Variants in KAZN observed in about 807,000 individuals in gnomAD.
KAZN encodes kazrin.
A neutral mutation model predicts 87.4 loss-of-function variants in KAZN; 40 were observed. The observed-to-expected ratio is 0.46, with a 90% CI of 0.36 to 0.60. The LOEUF (loss-of-function observed/expected upper bound fraction) is 0.60. Ranked by LOEUF, KAZN falls within the 20% of genes least tolerant of loss-of-function variation. The pLI, the probability that KAZN is intolerant of heterozygous loss-of-function variation, is 0.00. For missense variants in KAZN, 898 were observed against 1,073.9 expected (o/e 0.84, Z 2.29); for synonymous variants, 466 against 458.3 (o/e 1.02, Z -0.22).
intron 2 of KAZN, among the ~76,000 whole-genome samples, chr1:14,314,460 G>A (rs958112359): frequency 1.2e-4 from 19 of 152,026 alleles, no homozygotes; most frequent in Non-Finnish European, 1.5e-5. Flanking sequence ...CCTATGTCCT[G>A]GTTACATGAG....
chr1:14,297,414 C>T (rs775129917), intron 2 of KAZN, among the ~76,000 whole-genome samples: 2 of 152,214 alleles, frequency 1.3e-5, no homozygotes, highest in African/African-American at 2.4e-5. Context: ...CACTCCCTGG[C>T]TCTAAGCAAG....
In KAZN at chr1:14,444,539, C is replaced by T. The variant is rs530358096; in HGVS notation, c.250-154444C>T. Among the ~76,000 whole-genome samples, 23 of 152,138 alleles carry T rather than the reference C, an allele frequency of 1.5e-4. No individual in the cohort carries two copies. The South Asian group carries it at 4.6e-3, about 30-fold the overall frequency. ...GTTGGTCAGGCTGGTCTCAAAACTC[C>T]TAACCTCAGGTGATCTGCCCTCCTT... On this transcript the variant is annotated intron_variant, in intron 2 of 16. Coordinates refer to the KAZN transcript ENST00000636203.
chr1:15,081,437 A>G lies in KAZN; in HGVS notation c.1223-12743A>G, dbSNP rs1183874816. On this transcript the variant is annotated intron_variant, in intron 8 of 14. Transcript: ENST00000376030. This position sits in a 1 kb window ranked among gnomAD's most constrained non-coding sequence, Gnocchi z 4.1. Reference sequence around the variant, plus strand: ...ATGTCTAGGGAGCAAAACCAGGCCCAGCGCCTGCTCATGTGCAGTTTATGG... The same window carrying G: ...ATGTCTAGGGAGCAAAACCAGGCCCGGCGCCTGCTCATGTGCAGTTTATGG... 1.3e-5 allele frequency among the ~76,000 whole-genome samples: 2 copies of G among 152,238 alleles called. No homozygotes were observed. Among genetic ancestry groups the G allele is most frequent in the African/African-American group, 4.8e-5 (2 of 41,460 alleles).
chr1:14,583,696 G>A (rs1012364767), intron 2 of KAZN, among the ~76,000 whole-genome samples: 7 of 152,212 alleles, frequency 4.6e-5, no homozygotes, highest in Admixed American at 2.6e-4. Context: ...TTTAGTGGCT[G>A]ATATTCCTGG....
Position 14,172,597 on chromosome 1 carries a change from G to A in KAZN, c.92-7838G>A, listed in dbSNP as rs117606941. On this transcript the variant is annotated intron_variant, in intron 1 of 16. Coordinates refer to the KAZN transcript ENST00000636203. Reference sequence around the variant, plus strand: ...GTAACAAACCACTCCAAAACTAAGCGATGGAAATCAATACCTTATTATGCT... The same window carrying A: ...GTAACAAACCACTCCAAAACTAAGCAATGGAAATCAATACCTTATTATGCT... 7.9e-5 allele frequency among the ~76,000 whole-genome samples: 12 copies of A among 152,288 alleles called. No homozygotes were observed. The East Asian group carries it at 9.7e-4, about 12-fold the overall frequency.
At chr1:14,692,193 T>C in intron 1 of KAZN, 1 of 445,726 alleles carries the variant, frequency 2.2e-6, no homozygotes, top group Non-Finnish European at 4.0e-6. Context: ...GTCTTCCAAG[T>C]CTTTTTCACT....
At chr1:14,790,628 T>A (rs1198534370) in intron 1 of KAZN, among the ~76,000 whole-genome samples, 1 of 152,154 alleles carries the variant, frequency 6.6e-6, no homozygotes, top group Non-Finnish European at 1.5e-5. Context: ...TTCAAGCAAT[T>A]TTCACAAAGT....
chr1:13,932,485 C>T (rs1640562537), intron 1 of KAZN, among the ~76,000 whole-genome samples: 1 of 152,214 alleles, frequency 6.6e-6, no homozygotes, highest in South Asian at 2.1e-4. Flanking sequence ...TGGTCTTGAT[C>T]TCCTGACCTC....
intron 1 of KAZN, among the ~76,000 whole-genome samples, chr1:14,848,250 A>G (rs1440732152): frequency 6.6e-6 from 1 of 152,022 alleles, no homozygotes; most frequent in East Asian, 1.9e-4. Flanking sequence ...CCTTCTCCCC[A>G]AGATGATGTC....
intron 1 of KAZN, among the ~76,000 whole-genome samples, chr1:13,963,895 A>G (rs1197542517): frequency 1.3e-5 from 2 of 151,892 alleles, no homozygotes; most frequent in African/African-American, 2.4e-5. Flanking sequence ...ACTTCTGCCA[A>G]TTGCCAGCTG....
chr1:14,365,462 A>G (rs916600929), intron 2 of KAZN, among the ~76,000 whole-genome samples: 2 of 151,376 alleles, frequency 1.3e-5, no homozygotes, highest in African/African-American at 4.9e-5. Context: ...TTACATCTGC[A>G]ATGATTCTAT....
rs115992032 is a variant in KAZN, at chr1:15,107,339, C to T, written c.2048+3150C>T. Among the ~76,000 whole-genome samples the T allele has an allele frequency of 3.6e-3, 555 of 152,298 alleles. 4 individuals are homozygous for T. Among genetic ancestry groups the T allele is most frequent in the Non-Finnish European group, 4.6e-3 (310 of 68,026 alleles). On this transcript the variant is annotated intron_variant, in intron 13 of 14. Coordinates refer to ENST00000376030, the MANE Select transcript of KAZN (RefSeq NM_201628.3). Reference sequence around the variant, plus strand: ...TCTCTCTTTCCCTTTTTTAATAGATCTCTGAGGGTCTCTGCTCATCCAAGA... The same window carrying T: ...TCTCTCTTTCCCTTTTTTAATAGATTTCTGAGGGTCTCTGCTCATCCAAGA...
At position 14,583,736 on chromosome 1, in the gene KAZN, T is replaced by C. The variant is rs140284962; in HGVS notation, c.250-15247T>C. 2.7e-3 allele frequency among the ~76,000 whole-genome samples: 413 copies of C among 152,286 alleles called. 3 individuals carry two copies. Among genetic ancestry groups the C allele is most frequent in the African/African-American group, 8.7e-3 (360 of 41,552 alleles). ...GGCAGGTGACCCTGAAGAGGATGGCTAGAGGAAAGCTACAGTATCCACTCT... is the reference window on the plus strand; with the variant it reads ...GGCAGGTGACCCTGAAGAGGATGGCCAGAGGAAAGCTACAGTATCCACTCT... On this transcript the variant is annotated intron_variant, in intron 2 of 16. Transcript: ENST00000636203.
At chr1:14,328,702 CA>C (rs539049159) in intron 2 of KAZN, among the ~76,000 whole-genome samples, 8 of 100,006 alleles carry the variant, frequency 8.0e-5, no homozygotes, top group Non-Finnish European at 1.1e-4. Flanking sequence ...GACTCTGTCT[CA>C]AAAAAAAAGA....
intron 1 of KAZN, among the ~76,000 whole-genome samples, chr1:13,926,281 C>G: frequency 6.6e-6 from 1 of 152,158 alleles, no homozygotes. Context: ...TCTGCCCTGG[C>G]TGGCTGAGAC....
chr1:14,839,841 G>C (rs1647729406), intron 1 of KAZN, among the ~76,000 whole-genome samples: 1 of 152,162 alleles, frequency 6.6e-6, no homozygotes. Context: ...CAAGGCTCTG[G>C]AGGTGCCTCT....
At chr1:14,344,419 T>C (rs920475714) in intron 2 of KAZN, among the ~76,000 whole-genome samples, 1 of 152,190 alleles carries the variant, frequency 6.6e-6, no homozygotes, top group Non-Finnish European at 1.5e-5. Flanking sequence ...GCTAATTCCA[T>C]CTGTTTCTTT....
chr1:14,874,462 C>A (rs917046222), intron 1 of KAZN, among the ~76,000 whole-genome samples: 1 of 143,560 alleles, frequency 7.0e-6, no homozygotes, highest in Non-Finnish European at 1.5e-5. Flanking sequence ...CGCTAGCTAG[C>A]TGGCTGACTG....
chr1:14,822,937 G>T (rs1293880631), intron 1 of KAZN, among the ~76,000 whole-genome samples: 2 of 152,216 alleles, frequency 1.3e-5, no homozygotes, highest in Non-Finnish European at 2.9e-5. Context: ...CCACAGCTGA[G>T]TCAGGTGCCG....
Sources: gnomAD v4.1 joint callset for allele counts (sites outside exome capture counted in the v4.1 genomes callset) on GRCh38, gnomAD v4.1.1 for gene constraint, Gnocchi (gnomAD v3.1) non-coding constraint, MANE v1.5 for transcripts, NCBI Gene and HGNC (gene_info 2026-07-23, HGNC 2026-07-21) for gene names.